The following TCF7 variants were observed in gnomAD, a reference collection of about 807,000 sequenced individuals.
TCF7 encodes the protein T-cell-factor-7.
Under a neutral mutation model 46.8 loss-of-function variants are expected in TCF7, and 19 were observed. That is an observed-to-expected ratio of 0.41 (90% CI 0.28 to 0.60). The LOEUF is 0.60. Ranked by LOEUF, TCF7 falls within the 20% of genes least tolerant of loss-of-function variation. TCF7 has a pLI of 0.35. For missense variants in TCF7, 547 were observed against 504.6 expected (o/e 1.08, Z -0.81); for synonymous variants, 245 against 213.4 (o/e 1.15, Z -1.29).
At chr5:134,140,498 A>G (rs965268357) in intron 5 of TCF7, 8 of 239,728 alleles carry the variant, frequency 3.3e-5, no homozygotes, top group East Asian at 1.7e-4. Flanking sequence ...AGTGGCTGCA[A>G]TGGCCCCAGG....
At chr5:134,143,569 A>G in intron 8 of TCF7, 23 bp from the exon 9 acceptor site, 1 of 1,614,154 alleles carries the variant, frequency 6.2e-7, no homozygotes, top group Non-Finnish European at 8.5e-7. Context: ...AGATCTGAGC[A>G]TCCCTCCTTT....
At chr5:134,134,988 C>T (rs541464440) in intron 3 of TCF7, among the ~76,000 whole-genome samples, 31 of 152,348 alleles carry the variant, frequency 2.0e-4, no homozygotes, top group Non-Finnish European at 2.9e-4. Context: ...GCATCTCACT[C>T]TGTCACCCAG....
intron 3 of TCF7, among the ~76,000 whole-genome samples, chr5:134,122,706 C>A (rs920283414): frequency 3.3e-5 from 5 of 152,170 alleles, no homozygotes; most frequent in Non-Finnish European, 5.9e-5. Flanking sequence ...TGTTGTGGTC[C>A]CAAAGCCATA....
chr5:134,142,339 C>A, intron 6 of TCF7, 35 bp downstream of exon 6: 1 of 1,550,648 alleles, frequency 6.4e-7, no homozygotes, highest in South Asian at 1.2e-5. Context: ...GGGGGTGTGT[C>A]AGTCAGGATA....
chr5:134,139,892 A>G (rs1158838312), intron 5 of TCF7: 1 of 152,170 alleles, frequency 6.6e-6, no homozygotes, highest in Non-Finnish European at 1.5e-5. Flanking sequence ...CTGAATACAA[A>G]TTAAGACTAC....
intron 3 of TCF7, among the ~76,000 whole-genome samples, chr5:134,118,189 C>T (rs1039954563): frequency 1.3e-5 from 2 of 152,170 alleles, no homozygotes; most frequent in African/African-American, 4.8e-5. Context: ...TGTCTGGAAC[C>T]AGGAATGATC....
intron 9 of TCF7, chr5:134,145,019 A>T: frequency 1.4e-6 from 1 of 704,318 alleles, no homozygotes; most frequent in Non-Finnish European, 2.6e-6. Flanking sequence ...TGAGAATAGT[A>T]GTAAATACTG....
chr5:134,128,101 C>T (rs978514634), intron 3 of TCF7, among the ~76,000 whole-genome samples: 1 of 152,208 alleles, frequency 6.6e-6, no homozygotes, highest in Non-Finnish European at 1.5e-5. Context: ...TGTCCCTCCC[C>T]TTACACTCCG....
At chr5:134,114,342 A>G (rs1288054781), upstream of TCF7, among the ~76,000 whole-genome samples, 1 of 152,012 alleles carries the variant, frequency 6.6e-6, no homozygotes, top group Non-Finnish European at 1.5e-5. Context: ...AGTTCACACC[A>G]CGGCTGCGAT....
chr5:134,146,438 A>T lies in TCF7; in HGVS notation c.*135A>T, dbSNP rs779874473. 2 of 1,087,060 alleles carry T rather than the reference A, an allele frequency of 1.8e-6. No homozygotes were observed. Among genetic ancestry groups the T allele is most frequent in the South Asian group, 2.5e-5 (2 of 79,616 alleles). 67.3% of individuals were successfully genotyped at this position (1,087,060 alleles called of 1,614,324 possible). A position where few individuals can be genotyped will look rare whatever the true frequency, so the allele number is the denominator to read the frequency against. ...TCTCTCCACTGCTCTCAGCCTCCCAACCCCAGGGCCCCCACAGGCCCCCCG... is the reference window on the plus strand; with the variant it reads ...TCTCTCCACTGCTCTCAGCCTCCCATCCCCAGGGCCCCCACAGGCCCCCCG... On this transcript the variant is annotated 3_prime_UTR_variant, in exon 10 of 10. Coordinates refer to ENST00000342854, the MANE Select transcript of TCF7 (RefSeq NM_003202.5).
chr5:134,120,973 CT>C (rs952753879), intron 3 of TCF7, among the ~76,000 whole-genome samples: 2 of 152,192 alleles, frequency 1.3e-5, no homozygotes, highest in Non-Finnish European at 2.9e-5. Flanking sequence ...CCTTGCTGGC[CT>C]GGCTCCCCTG....
At chr5:134,124,340 A>G (rs1361981831) in intron 3 of TCF7, among the ~76,000 whole-genome samples, 1 of 152,174 alleles carries the variant, frequency 6.6e-6, no homozygotes, top group African/African-American at 2.4e-5. Flanking sequence ...GCTGCACACA[A>G]GCTGTCTACA....
the TCF7 span, among the ~76,000 whole-genome samples, chr5:134,108,419 G>C: frequency 2.0e-5 from 3 of 152,170 alleles, no homozygotes; most frequent in African/African-American, 7.2e-5. Flanking sequence ...CGGGAGGCCT[G>C]GTTAGAGCTG....
chr5:134,142,710 G>C lies in TCF7; in HGVS notation c.756-11G>C. The C allele has an allele frequency of 6.2e-7, 1 of 1,613,608 alleles. No homozygotes were observed. The highest frequency in any genetic ancestry group is 2.2e-5 in the East Asian group (1 of 44,882). Reference sequence around the variant, plus strand: ...GGGGGCTCCTGAACAATCTGGATTTGTGCCCCTCAGGAAGACACAAGCAGA... The same window carrying C: ...GGGGGCTCCTGAACAATCTGGATTTCTGCCCCTCAGGAAGACACAAGCAGA... On this transcript the variant is annotated splice_polypyrimidine_tract_variant and intron_variant, in intron 6 of 9. Transcript: ENST00000342854.
At chr5:134,113,927 G>A (rs2149258638), upstream of TCF7, among the ~76,000 whole-genome samples, 1 of 152,306 alleles carries the variant, frequency 6.6e-6, no homozygotes. Context: ...CCAAAGTTCC[G>A]AGTCTCCGGG....
chr5:134,123,514 G>A (rs1313531781), intron 3 of TCF7: 1 of 348,434 alleles, frequency 2.9e-6, no homozygotes, highest in East Asian at 7.6e-5. Context: ...GCTCCTGAGA[G>A]AGGGGCCTGC....
intron 3 of TCF7, among the ~76,000 whole-genome samples, chr5:134,136,807 A>G (rs1339995487): frequency 1.3e-5 from 2 of 152,204 alleles, no homozygotes; most frequent in Non-Finnish European, 1.5e-5. Flanking sequence ...TTGCACTCAC[A>G]GAGTGGGGAC....
At chr5:134,114,490 T>C (rs967065855), upstream of TCF7, among the ~76,000 whole-genome samples, 5 of 152,078 alleles carry the variant, frequency 3.3e-5, no homozygotes, top group Non-Finnish European at 7.4e-5. Flanking sequence ...TTAGAGTCTC[T>C]GCGTTTCGGG....
chr5:134,146,419 C>T lies in TCF7; in HGVS notation c.*116C>T, dbSNP rs1471188302. On this transcript the variant is annotated 3_prime_UTR_variant, in exon 10 of 10. Transcript: ENST00000342854. ...CGGCACCTACATCCCCAGGTCTCTC[C>T]ACTGCTCTCAGCCTCCCAACCCCAG... 5 of 1,285,656 alleles carry T rather than the reference C, an allele frequency of 3.9e-6. No individual in the cohort carries two copies. The East Asian group carries it at 1.2e-4, about 30-fold the overall frequency. 79.6% of individuals were successfully genotyped at this position (1,285,656 alleles called of 1,614,324 possible). A position where few individuals can be genotyped will look rare whatever the true frequency, so the allele number is the denominator to read the frequency against.
Sources: gnomAD v4.1 joint callset for allele counts (sites outside exome capture counted in the v4.1 genomes callset) on GRCh38, gnomAD v4.1.1 for gene constraint, MANE v1.5 for transcripts, NCBI Gene and HGNC (gene_info 2026-07-23, HGNC 2026-07-21) for gene names.